Variants in ABCC2 observed in about 807,000 individuals in gnomAD.
The protein encoded by ABCC2 is ATP-binding cassette sub-family C member 2.
A neutral mutation model predicts 173.4 loss-of-function variants in ABCC2; 157 were observed. The ratio of observed to expected loss-of-function variants is 0.91; its 90% CI spans 0.80 to 1.03. ABCC2 has a LOEUF of 1.03. Among genes scored for constraint, ABCC2 ranks in the 50% least tolerant of loss-of-function variants. The pLI, the probability that ABCC2 is intolerant of heterozygous loss-of-function variation, is 0.00. For missense variants in ABCC2, 1,822 were observed against 1,852.3 expected, an observed-to-expected ratio of 0.98 and a Z score of 0.30; for synonymous variants, 657 against 693.5, an observed-to-expected ratio of 0.95 and a Z score of 0.83.
At chr10:99,814,660 TGTGTATATACACATATACACACAC>T (rs1564685818) in intron 16 of ABCC2, among the ~76,000 whole-genome samples, 5 of 133,302 alleles carry the variant, frequency 3.8e-5, no homozygotes, top group African/African-American at 1.2e-4. Flanking sequence ...CACACACATA[TGTGTATATACACATATACACACAC>T]GTGTATATAC....
Position 99,850,722 on chromosome 10 carries a change from C to CA in ABCC2, c.4435dup (p.Ile1479AsnfsTer24), listed in dbSNP as rs766515716. On this transcript the variant is annotated frameshift_variant, in exon 31 of 32. Transcript: ENST00000647814. LOFTEE classifies it high-confidence loss of function. ...AGACAGACAACCTCATTCAGACGACCATCCAAAACGAGTTCGCCCACTGCA... is the reference window on the plus strand; with the variant it reads ...AGACAGACAACCTCATTCAGACGACCAATCCAAAACGAGTTCGCCCACTGCA... 1 of 1,614,202 alleles carries CA rather than the reference C, an allele frequency of 6.2e-7. No individual in the cohort carries two copies. The highest frequency in any genetic ancestry group is 8.5e-7 in the Non-Finnish European group (1 of 1,180,042).
At chr10:99,813,449 C>T (rs1246132767) in intron 16 of ABCC2, among the ~76,000 whole-genome samples, 7 of 152,188 alleles carry the variant, frequency 4.6e-5, no homozygotes, top group Non-Finnish European at 8.8e-5. Flanking sequence ...GGCACGGTGG[C>T]TCACGCCTAT....
intron 8 of ABCC2, 55 bp from the exon 9 acceptor site, chr10:99,800,331 G>A: frequency 2.5e-6 from 4 of 1,577,204 alleles, no homozygotes; most frequent in Non-Finnish European, 3.5e-6. Flanking sequence ...TGCATGAGGA[G>A]AGAGGCATCC....
intron 19 of ABCC2, among the ~76,000 whole-genome samples, chr10:99,821,650 T>C (rs904880133): frequency 3.3e-5 from 5 of 152,196 alleles, no homozygotes; most frequent in African/African-American, 1.2e-4. Context: ...ACACAGCACA[T>C]GTTTCAGAGA....
At chr10:99,845,600 T>G in intron 28 of ABCC2, 24 bp from the exon 29 acceptor site, 1 of 1,613,982 alleles carries the variant, frequency 6.2e-7, no homozygotes, top group Non-Finnish European at 8.5e-7. Context: ...GTGGAACTAA[T>G]GTGTAAGGGA....
intron 30 of ABCC2, among the ~76,000 whole-genome samples, chr10:99,849,494 G>A (rs1182754599): frequency 2.6e-5 from 4 of 152,170 alleles, no homozygotes; most frequent in Non-Finnish European, 5.9e-5. Flanking sequence ...TATTACCAAT[G>A]CCTTGATTTC....
At chr10:99,814,470 TGTGTGTATATACATACACACAAA>T in intron 16 of ABCC2, among the ~76,000 whole-genome samples, 1 of 132,760 alleles carries the variant, frequency 7.5e-6, no homozygotes, top group South Asian at 2.3e-4. Flanking sequence ...TACACACATA[TGTGTGTATATACATACACACAAA>T]CATATATGTG....
rs954844448 is a variant in ABCC2 at position 99,841,193 on chromosome 10, A to G, written c.3615-774A>G. Among the ~76,000 whole-genome samples, 4 of 152,232 alleles carry G rather than the reference A, an allele frequency of 2.6e-5. No individual in the cohort carries two copies. In the East Asian group the frequency reaches 7.7e-4, roughly 29 times the overall value. ...TGGTGCTTACTTTTTAATCTTACAC[A>G]TGGATTCACTATGGCATTGCTTCCC... On this transcript the variant is annotated intron_variant, in intron 25 of 31. Coordinates refer to ENST00000647814, the MANE Select transcript of ABCC2 (RefSeq NM_000392.5).
At chr10:99,848,735 T>G (rs1305958425) in intron 30 of ABCC2, among the ~76,000 whole-genome samples, 1 of 152,110 alleles carries the variant, frequency 6.6e-6, no homozygotes, top group Admixed American at 6.5e-5. Flanking sequence ...GCTTTAAAGC[T>G]CCCAACGCCT....
rs752688969 is a variant in ABCC2, at chr10:99,784,643, G to C, written c.69G>C (p.Leu23=). ...SSFLDSPEAD[L]PLCFEQTVLV... ...TCCTGGACAGTCCGGAGGCAGACCT[G>C]CCACTTTGTTTTGAGCAAACTGTTC... Residue 23 remains leucine, a synonymous_variant, in exon 2 of 32, where the codon CTG becomes CTC. Transcript: ENST00000647814. 16 of 1,614,074 alleles carry C rather than the reference G, an allele frequency of 9.9e-6. No individual in the cohort carries two copies. The highest frequency in any genetic ancestry group is 1.4e-5 in the Non-Finnish European group (16 of 1,180,048).
chr10:99,832,157 G>T (rs751254620), intron 23 of ABCC2, 26 bp downstream of exon 23: 2 of 1,613,910 alleles, frequency 1.2e-6, no homozygotes, highest in East Asian at 4.5e-5. Flanking sequence ...ACTGTCAGGT[G>T]GTGTGTTTAT....
At chr10:99,803,290 A>G (rs2038043183) in intron 9 of ABCC2, among the ~76,000 whole-genome samples, 1 of 152,194 alleles carries the variant, frequency 6.6e-6, no homozygotes, top group African/African-American at 2.4e-5. Context: ...TTTTACTTCA[A>G]AGTTTGAAGT....
chr10:99,791,939 G>C (rs1477261654), intron 2 of ABCC2, among the ~76,000 whole-genome samples: 2 of 152,158 alleles, frequency 1.3e-5, no homozygotes, highest in East Asian at 3.8e-4. Context: ...TAAGTCCCCA[G>C]CCCACACTCA....
intron 27 of ABCC2, 83 bp from the exon 28 acceptor site, chr10:99,844,239 G>T: frequency 6.4e-7 from 1 of 1,559,040 alleles, no homozygotes; most frequent in South Asian, 1.1e-5. Context: ...CCCTTCTCCT[G>T]TTCTATGACA....
At chr10:99,793,513 G>A in intron 3 of ABCC2, 38 bp from the exon 4 acceptor site, 1 of 1,613,470 alleles carries the variant, frequency 6.2e-7, no homozygotes, top group Non-Finnish European at 8.5e-7. Flanking sequence ...TCGGTTAGTG[G>A]CAGTATTCTT....
At position 99,784,750 on chromosome 10, in the gene ABCC2, C is replaced by A; in HGVS notation, c.176C>A (p.Ser59Tyr). 6.2e-7 allele frequency: 1 copy of A among 1,614,166 alleles called. No homozygotes were observed. Among genetic ancestry groups the A allele is most frequent in the Non-Finnish European group, 8.5e-7 (1 of 1,180,028 alleles). ...GTGTATAAATCCAGGACCAAGAGAT[C>A]CTCTACCACCAAACTCTATCTTGCT... The part of the protein sequence containing the change: ...LHVYKSRTKR[S>Y]STTKLYLAKQ... Residue 59 changes from serine (S) to tyrosine (Y), a missense_variant, in exon 2 of 32, where the codon TCC becomes TAC. Ser to Tyr is a moderately radical substitution (Grantham distance 144). Transcript: ENST00000647814.
rs757442418 is a variant in ABCC2 at position 99,813,149 on chromosome 10, G to C, written c.2094+5G>C. 1 of 1,613,370 alleles carries C rather than the reference G, an allele frequency of 6.2e-7. No individual in the cohort carries two copies. Among genetic ancestry groups the C allele is most frequent in the Non-Finnish European group, 8.5e-7 (1 of 1,179,658 alleles). Reference sequence around the variant, plus strand: ...CACGGGCACATCACCATCAAGGTGAGAGGGAATGCCAATGCAAAAGCCTCT... The same window carrying C: ...CACGGGCACATCACCATCAAGGTGACAGGGAATGCCAATGCAAAAGCCTCT... On this transcript the variant is annotated splice_donor_5th_base_variant and intron_variant, in intron 16 of 31. Coordinates refer to ENST00000647814, the MANE Select transcript of ABCC2 (RefSeq NM_000392.5).
chr10:99,817,413 C>T lies in ABCC2; in HGVS notation c.2200C>T (p.Leu734=), dbSNP rs770894033. ...EFNEKRYQQV[L]EACALLPDLE... ...TAATGAAAAGAGGTACCAGCAAGTA[C>T]TGGAGGCCTGTGCTCTCCTCCCAGA... The change falls in exon 17 of 32, where the codon CTG becomes TTG. Residue 734 remains leucine (L), a synonymous_variant. Coordinates refer to ENST00000647814, the MANE Select transcript of ABCC2 (RefSeq NM_000392.5). 7.4e-6 allele frequency: 12 copies of T among 1,614,142 alleles called. No individual in the cohort carries two copies. The highest frequency in any genetic ancestry group is 7.6e-6 in the Non-Finnish European group (9 of 1,180,014).
intron 16 of ABCC2, 48 bp downstream of exon 16, chr10:99,813,192 A>T: frequency 6.2e-7 from 1 of 1,604,076 alleles, no homozygotes; most frequent in Non-Finnish European, 8.5e-7. Flanking sequence ...GAATGTCAGC[A>T]GCTTCGTGCT....
Sources: gnomAD v4.1 joint callset for allele counts (sites outside exome capture counted in the v4.1 genomes callset) on GRCh38, gnomAD v4.1.1 for gene constraint, MANE v1.5 for transcripts, NCBI Gene and HGNC (gene_info 2026-07-23, HGNC 2026-07-21) for gene names.